Variants in DPP10 observed in about 807,000 individuals in gnomAD.
DPP10 encodes the protein dipeptidyl peptidase like 10.
In DPP10, 33 loss-of-function variants were observed where a neutral mutation model predicts 120.9. The observed-to-expected ratio is 0.27, with a 90% CI of 0.21 to 0.37. DPP10 has a LOEUF of 0.37. DPP10 is among the 10% of genes least tolerant of loss of function. DPP10 has a pLI of 1.00. For missense variants in DPP10, 816 were observed against 942.8 expected, an observed-to-expected ratio of 0.87 and a Z score of 1.76; for synonymous variants, 337 against 326.1, an observed-to-expected ratio of 1.03 and a Z score of -0.36.
intron 1 of DPP10, among the ~76,000 whole-genome samples, chr2:115,222,729 A>G (rs1008666141): frequency 6.6e-6 from 1 of 152,180 alleles, no homozygotes; most frequent in Admixed American, 6.6e-5. Context: ...CATGAACAGC[A>G]TTAAAAAAAA....
At chr2:114,716,137 T>A (rs112457417) in intron 1 of DPP10, among the ~76,000 whole-genome samples, 1,956 of 151,816 alleles carry the variant, frequency 0.013, 22 homozygotes, top group Non-Finnish European at 0.02. Context: ...AAAATAAATT[T>A]AAAGTGAAGA....
intron 3 of DPP10, among the ~76,000 whole-genome samples, chr2:115,375,595 A>G (rs948687188): frequency 2.0e-5 from 3 of 152,182 alleles, no homozygotes; most frequent in Non-Finnish European, 4.4e-5. Flanking sequence ...TGCTGGTACC[A>G]ATTTTCTGTA....
At chr2:114,627,628 G>A (rs1409201120) in intron 1 of DPP10, among the ~76,000 whole-genome samples, 1 of 151,966 alleles carries the variant, frequency 6.6e-6, no homozygotes, top group Non-Finnish European at 1.5e-5. Flanking sequence ...GGGGGAGGGA[G>A]CGGAAGTAAA....
At chr2:114,687,376 A>G (rs1699441955) in intron 1 of DPP10, among the ~76,000 whole-genome samples, 1 of 152,008 alleles carries the variant, frequency 6.6e-6, no homozygotes, top group East Asian at 1.9e-4. Flanking sequence ...GATGTATCTT[A>G]GAAACATGTT....
intron 1 of DPP10, among the ~76,000 whole-genome samples, chr2:114,904,737 T>C (rs946982934): frequency 1.3e-5 from 2 of 152,194 alleles, no homozygotes; most frequent in African/African-American, 4.8e-5. Context: ...CTCATTAAAT[T>C]TCACAGGATG....
chr2:115,319,101 A>G (rs957294838), intron 2 of DPP10, among the ~76,000 whole-genome samples: 1 of 152,110 alleles, frequency 6.6e-6, no homozygotes, highest in Non-Finnish European at 1.5e-5. Flanking sequence ...CTCTTAAAAT[A>G]TTTTTATAAG....
chr2:115,829,315 T>C (rs2150091907), intron 21 of DPP10, among the ~76,000 whole-genome samples: 1 of 152,334 alleles, frequency 6.6e-6, no homozygotes, highest in African/African-American at 2.4e-5. Flanking sequence ...TTAACAGTGA[T>C]ACCAACTAAG....
chr2:114,774,894 A>C (rs549824536), intron 1 of DPP10, among the ~76,000 whole-genome samples: 2 of 152,112 alleles, frequency 1.3e-5, no homozygotes, highest in East Asian at 3.9e-4. Context: ...TAATTATGGA[A>C]CGAACCCTGT....
chr2:115,169,019 T>C (rs1205030326), intron 1 of DPP10, among the ~76,000 whole-genome samples: 1 of 152,242 alleles, frequency 6.6e-6, no homozygotes, highest in East Asian at 1.9e-4. Context: ...CATAGTTTAT[T>C]TAAAAGTTAT....
chr2:114,670,632 T>C (rs1698265727), intron 1 of DPP10, among the ~76,000 whole-genome samples: 1 of 152,168 alleles, frequency 6.6e-6, no homozygotes, highest in African/African-American at 2.4e-5. Flanking sequence ...TATACATATG[T>C]AACTAACCTG....
intron 1 of DPP10, among the ~76,000 whole-genome samples, chr2:115,018,516 C>T (rs555874411): frequency 2.0e-5 from 3 of 152,208 alleles, no homozygotes; most frequent in Non-Finnish European, 2.9e-5. Flanking sequence ...TCATGGAATA[C>T]TATGCAGCTA....
intron 1 of DPP10, among the ~76,000 whole-genome samples, chr2:115,067,050 A>G (rs935004946): frequency 2.7e-5 from 4 of 149,388 alleles, no homozygotes; most frequent in Admixed American, 2.0e-4. Flanking sequence ...CATTTTACCA[A>G]TGTCTCCTCT....
intron 1 of DPP10, among the ~76,000 whole-genome samples, chr2:114,611,243 C>T (rs1383209075): frequency 6.6e-6 from 1 of 152,096 alleles, no homozygotes; most frequent in Non-Finnish European, 1.5e-5. Flanking sequence ...TAAAAATTTT[C>T]GTTTTACTAT....
At chr2:115,567,879 T>C (rs931879546) in intron 5 of DPP10, among the ~76,000 whole-genome samples, 1 of 152,188 alleles carries the variant, frequency 6.6e-6, no homozygotes, top group Non-Finnish European at 1.5e-5. Context: ...AAATTTTTGT[T>C]AACGTGAAAG....
At chr2:115,483,300 C>G (rs554487669) in intron 3 of DPP10, among the ~76,000 whole-genome samples, 1 of 152,142 alleles carries the variant, frequency 6.6e-6, no homozygotes, top group South Asian at 2.1e-4. Flanking sequence ...TTTCAGATGA[C>G]AAAAGTAAAT....
At position 114,514,302 on chromosome 2, in the gene DPP10, A is replaced by G. The variant is rs564701213; in HGVS notation, c.60+71464A>G. ...CACTCTTATGACACTAATTTTATAG[A>G]GAAGGAAACTGATTTCAGAGAGCTT... On this transcript the variant is annotated intron_variant, in intron 1 of 25. Transcript: ENST00000410059. Among the ~76,000 whole-genome samples, 4 of 152,328 alleles carry G rather than the reference A, an allele frequency of 2.6e-5. No individual in the cohort carries two copies. The South Asian group carries it at 6.2e-4, about 24-fold the overall frequency.
intron 2 of DPP10, among the ~76,000 whole-genome samples, chr2:115,330,382 G>T (rs1216619770): frequency 6.6e-6 from 1 of 150,946 alleles, no homozygotes; most frequent in African/African-American, 2.4e-5. Flanking sequence ...CATTCTGTAG[G>T]TTGCCTGTTC....
At chr2:115,095,770 G>C (rs1709691861) in intron 1 of DPP10, among the ~76,000 whole-genome samples, 1 of 151,922 alleles carries the variant, frequency 6.6e-6, no homozygotes, top group African/African-American at 2.4e-5. Flanking sequence ...ATTCATTTCT[G>C]TAGTTAAATA....
At chr2:114,923,852 T>G (rs1040688700) in intron 1 of DPP10, among the ~76,000 whole-genome samples, 3 of 152,106 alleles carry the variant, frequency 2.0e-5, no homozygotes, top group African/African-American at 7.2e-5. Flanking sequence ...CAATTATCCC[T>G]CATGTTTTTG....
Sources: allele counts gnomAD v4.1 joint callset (sites outside exome capture counted in the v4.1 genomes callset), GRCh38; gene constraint gnomAD v4.1.1; transcripts MANE v1.5; gene names NCBI Gene and HGNC (gene_info 2026-07-23, HGNC 2026-07-21).